CA12: variants seen among roughly 807,000 people sequenced by gnomAD.
CA12 encodes carbonate dehydratase XII.
Under a neutral mutation model 46.8 loss-of-function variants are expected in CA12, and 36 were observed. The observed-to-expected ratio is 0.77, with a 90% CI of 0.59 to 1.02. The LOEUF is 1.02. Among genes scored for constraint, CA12 ranks in the 50% least tolerant of loss-of-function variants. CA12 has a pLI of 0.00. For missense variants in CA12, 436 were observed against 451.4 expected (o/e 0.97, Z 0.31); for synonymous variants, 202 against 187.0 (o/e 1.08, Z -0.65).
At chr15:63,357,798 C>T (rs1437365973) in intron 2 of CA12, among the ~76,000 whole-genome samples, 1 of 152,152 alleles carries the variant, frequency 6.6e-6, no homozygotes, top group Non-Finnish European at 1.5e-5. Flanking sequence ...CAAAGGAAAC[C>T]TCATACCTGT....
At chr15:63,337,389 A>G (rs1307384528) in intron 8 of CA12, among the ~76,000 whole-genome samples, 1 of 152,230 alleles carries the variant, frequency 6.6e-6, no homozygotes, top group Non-Finnish European at 1.5e-5. Flanking sequence ...AGGAACCCAA[A>G]AAAGTGCACC....
chr15:63,334,780 A>G (rs1396425973), intron 8 of CA12, among the ~76,000 whole-genome samples: 3 of 152,324 alleles, frequency 2.0e-5, no homozygotes, highest in Non-Finnish European at 4.4e-5. Context: ...CTAAGGGTGC[A>G]CAGTTCTCTC....
In CA12 at chr15:63,364,332, G is replaced by GAAAAAAAAAA. The variant is rs34673043; in HGVS notation, c.106+11316_106+11325dup. Among the ~76,000 whole-genome samples, 59 of 56,118 alleles carry GAAAAAAAAAA rather than the reference G, an allele frequency of 1.1e-3. 14 individuals carry two copies. The East Asian group carries it at 0.017, about 17-fold the overall frequency. The allele number at this position is 56,118 out of a possible 152,430, so 36.8% of individuals were successfully genotyped here. ...GTGAAACAGTGAAACCCCGTCACTA[G>GAAAAAAAAAA]AAAAAAAAAAAAAAAAAAAAAAACA... On this transcript the variant is annotated intron_variant, in intron 2 of 10. Coordinates refer to ENST00000178638, the MANE Select transcript of CA12 (RefSeq NM_001218.5).
Position 63,365,964 on chromosome 15 carries a change from C to A in CA12, c.106+9694G>T, listed in dbSNP as rs1046964556. Among the ~76,000 whole-genome samples the A allele has an allele frequency of 2.6e-5, 4 of 151,832 alleles. No individual in the cohort carries two copies. The East Asian group carries it at 7.7e-4, about 29-fold the overall frequency. ...GACCAGCCTGGCCAACATGGTGACA[C>A]CCCCATCTCTACTAAAAATACAAAA... On this transcript the variant is annotated intron_variant, in intron 2 of 10. Coordinates refer to ENST00000178638, the MANE Select transcript of CA12 (RefSeq NM_001218.5).
chr15:63,381,768 G>T lies in CA12; in HGVS notation c.-48C>A. Reference sequence around the variant, plus strand: ...GGCGCGGGCTGTGCCGGGGGCTCCCGGTGGCCGCTCGCTCTCCAGCTGCAC... The same window carrying T: ...GGCGCGGGCTGTGCCGGGGGCTCCCTGTGGCCGCTCGCTCTCCAGCTGCAC... On this transcript the variant is annotated 5_prime_UTR_variant, in exon 1 of 11. Transcript: ENST00000178638. 2 of 1,349,288 alleles carry T rather than the reference G, an allele frequency of 1.5e-6. No homozygotes were observed. Among genetic ancestry groups the T allele is most frequent in the Non-Finnish European group, 2.0e-6 (2 of 1,007,804 alleles). The allele number at this position is 1,349,288 out of a possible 1,614,324, so 83.6% of individuals were successfully genotyped here.
At position 63,340,401 on chromosome 15, in the gene CA12, G is replaced by A. The variant is rs1207731906; in HGVS notation, c.634C>T (p.Pro212Ser). ...CGGTAATATTCAGCGGTCCTCTCCG[G>A]AAGCAGCTCTTCAATGTTGAATCCC... ...VPGFNIEELLPERTAEYYRYR... is the reference protein window; with the variant it reads ...VPGFNIEELLSERTAEYYRYR... The change falls in exon 7 of 11, where the codon CCG becomes TCG. Residue 212 changes from proline to serine, a missense_variant. Pro to Ser is a moderately conservative substitution (Grantham distance 74). Transcript: ENST00000178638. This position sits in a 1 kb window ranked among gnomAD's most constrained non-coding sequence, Gnocchi z 4.4. The A allele has an allele frequency of 6.2e-7, 1 of 1,614,044 alleles. No homozygotes were observed. Among genetic ancestry groups the A allele is most frequent in the African/African-American group, 1.3e-5 (1 of 74,918 alleles).
rs760685810 is a variant in CA12, at chr15:63,372,632, C to A, written c.106+3026G>T. On this transcript the variant is annotated intron_variant, in intron 2 of 10. Transcript: ENST00000178638. This position sits in a 1 kb window ranked among gnomAD's most constrained non-coding sequence, Gnocchi z 4.5. ...TGGACTTGCCCCATTCAGTGCGGCC[C>A]TTATTGCTTGGAAGCCGTTTCCCTC... Among the ~76,000 whole-genome samples, 1 of 152,164 alleles carries A rather than the reference C, an allele frequency of 6.6e-6. No homozygotes were observed. The highest frequency in any genetic ancestry group is 2.4e-5 in the African/African-American group (1 of 41,430).
At position 63,329,370 on chromosome 15, in the gene CA12, C is replaced by A. The variant is rs920177553; in HGVS notation, c.875-1240G>T. Among the ~76,000 whole-genome samples, 1 of 152,164 alleles carries A rather than the reference C, an allele frequency of 6.6e-6. No homozygotes were observed. The highest frequency in any genetic ancestry group is 1.5e-5 in the Non-Finnish European group (1 of 68,020). On this transcript the variant is annotated intron_variant, in intron 8 of 10. Transcript: ENST00000178638. The surrounding 1 kb of genome is among the most constrained non-coding windows in gnomAD (Gnocchi z 4.8). Reference sequence around the variant, plus strand: ...TCACAGTCAGCCTACTAGCCACCTCCTGGGGGGAAAATCACATGAGAATCC... The same window carrying A: ...TCACAGTCAGCCTACTAGCCACCTCATGGGGGGAAAATCACATGAGAATCC...
intron 1 of CA12, among the ~76,000 whole-genome samples, chr15:63,376,557 C>CCTTTCTTTCTTTCTTT (rs66768055): frequency 0.18 from 18,960 of 104,338 alleles, 2,279 homozygotes; most frequent in Middle Eastern, 0.2. Flanking sequence ...CTCTTTCTTT[C>CCTTTCTTTCTTTCTTT]CTTTCTTTCT....
intron 3 of CA12, among the ~76,000 whole-genome samples, chr15:63,346,026 G>C (rs913773664): frequency 3.3e-5 from 5 of 152,200 alleles, no homozygotes; most frequent in Admixed American, 2.0e-4. Context: ...CACTCTGTAT[G>C]CCAGACCCCA....
In CA12 at chr15:63,340,224, A is replaced by G. The variant is rs1036362552; in HGVS notation, c.747+64T>C. 5.8e-6 allele frequency: 9 copies of G among 1,554,084 alleles called. No individual in the cohort carries two copies. In the African/African-American group the frequency reaches 1.1e-4, roughly 19 times the overall value. On this transcript the variant is annotated intron_variant, in intron 7 of 10. Coordinates refer to ENST00000178638, the MANE Select transcript of CA12 (RefSeq NM_001218.5). This position sits in a 1 kb window ranked among gnomAD's most constrained non-coding sequence, Gnocchi z 4.4. ...TGAGGAAATCAAGTCATTGATTGTG[A>G]TATGGAGGATGATGGGGACTGAGGT...
At chr15:63,336,096 G>A (rs142055550) in intron 8 of CA12, among the ~76,000 whole-genome samples, 1 of 152,346 alleles carries the variant, frequency 6.6e-6, no homozygotes, top group African/African-American at 2.4e-5. Context: ...CCCAACCTGG[G>A]CTTGTGGAAG....
intron 2 of CA12, among the ~76,000 whole-genome samples, chr15:63,361,025 G>A (rs1053457488): frequency 3.3e-5 from 5 of 152,160 alleles, no homozygotes; most frequent in South Asian, 2.1e-4. Context: ...AGGTGGCATC[G>A]GATGTAAATA....
At position 63,381,707 on chromosome 15, in the gene CA12, C is replaced by A. The variant is rs767876104; in HGVS notation, c.14G>T (p.Ser5Ile). 5.0e-6 allele frequency: 8 copies of A among 1,605,922 alleles called. No homozygotes were observed. In the African/African-American group the frequency reaches 1.1e-4, roughly 22 times the overall value. Reference protein sequence around the residue: MPRRSLHAAAVLLLV... With the variant: MPRRILHAAAVLLLV... ...CAGGAGCACGGCCGCCGCGTGCAGG[C>A]TGCGCCGGGGCATCTTCGCGGGCTC... Residue 5 changes from serine (S) to isoleucine (I), a missense_variant, in exon 1 of 11, where the codon AGC (serine) becomes ATC (isoleucine). By Grantham distance (142) the Ser-to-Ile change is moderately radical. Coordinates refer to ENST00000178638, the MANE Select transcript of CA12 (RefSeq NM_001218.5).
At position 63,346,638 on chromosome 15, in the gene CA12, G is replaced by A. The variant is rs945126975; in HGVS notation, c.178C>T (p.Leu60=). Residue 60 remains leucine (L), a synonymous_variant, in exon 3 of 11, where the codon CTG becomes TTG. Coordinates refer to ENST00000178638, the MANE Select transcript of CA12 (RefSeq NM_001218.5). Reference sequence around the variant, plus strand: ...TCATACTGGAGGATGTCACTGTGCAGGTCTATGGGGGACTGCAGCAGGCCC... The same window carrying A: ...TCATACTGGAGGATGTCACTGTGCAAGTCTATGGGGGACTGCAGCAGGCCC... The part of the protein sequence containing the change: ...CGGLLQSPID[L]HSDILQYDAS... 6 of 1,613,158 alleles carry A rather than the reference G, an allele frequency of 3.7e-6. No homozygotes were observed. The African/African-American group carries it at 8.0e-5, about 22-fold the overall frequency.
At chr15:63,362,312 A>G (rs2039373550) in intron 2 of CA12, among the ~76,000 whole-genome samples, 1 of 152,264 alleles carries the variant, frequency 6.6e-6, no homozygotes, top group Admixed American at 6.5e-5. Flanking sequence ...TAATAGACAA[A>G]GGAACCCAGG....
At position 63,328,448 on chromosome 15, in the gene CA12, G is replaced by C. The variant is rs905394495; in HGVS notation, c.875-318C>G. On this transcript the variant is annotated intron_variant, in intron 8 of 10. Coordinates refer to ENST00000178638, the MANE Select transcript of CA12 (RefSeq NM_001218.5). The surrounding 1 kb of genome is among the most constrained non-coding windows in gnomAD (Gnocchi z 5.9). ...GCCTCCTGGGTTCAAGCAATTCTCT[G>C]CCTCAGTCTCCCAAGTAGCTGGGAT... Among the ~76,000 whole-genome samples, 19 of 146,408 alleles carry C rather than the reference G, an allele frequency of 1.3e-4. No homozygotes were observed. The highest frequency in any genetic ancestry group is 5.1e-5 in the African/African-American group (2 of 39,400).
intron 2 of CA12, among the ~76,000 whole-genome samples, chr15:63,358,678 T>C (rs1181405912): frequency 6.6e-6 from 1 of 152,204 alleles, no homozygotes; most frequent in African/African-American, 2.4e-5. Flanking sequence ...AATTTGAATG[T>C]GACCTTGAAC....
At chr15:63,367,063 C>CT (rs1555431793) in intron 2 of CA12, among the ~76,000 whole-genome samples, 1 of 152,200 alleles carries the variant, frequency 6.6e-6, no homozygotes, top group African/African-American at 2.4e-5. Context: ...CTGAGACTAC[C>CT]GCACATGCCA....
Sources: gnomAD v4.1 joint callset for allele counts (sites outside exome capture counted in the v4.1 genomes callset) on GRCh38, gnomAD v4.1.1 for gene constraint, Gnocchi (gnomAD v3.1) non-coding constraint, MANE v1.5 for transcripts, NCBI Gene and HGNC (gene_info 2026-07-23, HGNC 2026-07-21) for gene names.